The following EDIL3 variants were observed in gnomAD, a reference collection of about 807,000 sequenced individuals.
EDIL3 encodes the protein EGF like and discoidin domains 3, also known as EGF-like repeat and discoidin I-like domain-containing protein 3.
EDIL3 carries 37 observed loss-of-function variants against 67.4 expected under a neutral mutation model. The observed-to-expected ratio is 0.55, with a 90% CI of 0.42 to 0.72. The LOEUF is 0.72. Ranked by LOEUF, EDIL3 falls within the 30% of genes least tolerant of loss-of-function variation. The pLI, the probability that EDIL3 is intolerant of heterozygous loss-of-function variation, is 0.00. For synonymous variants in EDIL3, 195 were observed against 196.3 expected (o/e 0.99, Z 0.05); for missense variants, 527 against 586.3 (o/e 0.90, Z 1.04).
intron 5 of EDIL3, among the ~76,000 whole-genome samples, chr5:84,134,367 A>G (rs1452668193): frequency 6.6e-6 from 1 of 152,180 alleles, no homozygotes; most frequent in African/African-American, 2.4e-5. Flanking sequence ...TCTGGTAAAA[A>G]ATGAGGGAAA....
Position 83,979,557 on chromosome 5 carries a change from A to G in EDIL3, c.1138-16197T>C, listed in dbSNP as rs930080555. 1.2e-4 allele frequency among the ~76,000 whole-genome samples: 19 copies of G among 152,318 alleles called. No homozygotes were observed. The East Asian group carries it at 1.4e-3, about 11-fold the overall frequency. On this transcript the variant is annotated intron_variant, in intron 9 of 10. Coordinates refer to ENST00000296591, the MANE Select transcript of EDIL3 (RefSeq NM_005711.5). ...TGGGATTAAAATGGGAATACAATAG[A>G]ATTATATGTATCAACTTGGAAAAAT...
At chr5:84,342,153 G>A (rs549311750) in intron 1 of EDIL3, among the ~76,000 whole-genome samples, 5 of 152,032 alleles carry the variant, frequency 3.3e-5, no homozygotes, top group Non-Finnish European at 5.9e-5. Context: ...AGTGTATATA[G>A]ACAACAGAAT....
chr5:84,348,631 C>T (rs1018691194), intron 1 of EDIL3, among the ~76,000 whole-genome samples: 3 of 150,710 alleles, frequency 2.0e-5, no homozygotes, highest in African/African-American at 4.9e-5. Flanking sequence ...AATAAATAAC[C>T]GAATTTCAGA....
chr5:83,992,386 GATC>G (rs1745167312), intron 9 of EDIL3, among the ~76,000 whole-genome samples: 3 of 152,072 alleles, frequency 2.0e-5, no homozygotes, highest in Non-Finnish European at 4.4e-5. Context: ...ATACTTCATG[GATC>G]TTTGTAACTA....
intron 3 of EDIL3, among the ~76,000 whole-genome samples, chr5:84,218,305 C>G (rs1052083132): frequency 6.6e-6 from 1 of 152,136 alleles, no homozygotes; most frequent in Non-Finnish European, 1.5e-5. Context: ...TTCTAGGCAA[C>G]GCAGTTTAAC....
intron 1 of EDIL3, among the ~76,000 whole-genome samples, chr5:84,334,975 A>G (rs1199039038): frequency 1.3e-4 from 19 of 151,910 alleles, no homozygotes. Context: ...GACAGATATT[A>G]TTTTTTTTAA....
At chr5:84,213,145 T>A (rs982988937) in intron 3 of EDIL3, among the ~76,000 whole-genome samples, 1 of 152,090 alleles carries the variant, frequency 6.6e-6, no homozygotes, top group Non-Finnish European at 1.5e-5. Context: ...ATCAGACTGG[T>A]GATTATCACT....
At chr5:84,065,515 T>A (rs948219553) in intron 7 of EDIL3, among the ~76,000 whole-genome samples, 7 of 151,518 alleles carry the variant, frequency 4.6e-5, no homozygotes, top group South Asian at 4.2e-4. Context: ...GGGGTAATTT[T>A]AAAAATATTT....
intron 9 of EDIL3, among the ~76,000 whole-genome samples, chr5:84,039,120 T>TTA (rs3216694): frequency 1.1e-4 from 17 of 152,030 alleles, no homozygotes; most frequent in Non-Finnish European, 1.9e-4. Flanking sequence ...TTTTTTTTTT[T>TTA]AATTATATGA....
chr5:84,246,737 A>G (rs1365324422), intron 2 of EDIL3, among the ~76,000 whole-genome samples: 1 of 152,142 alleles, frequency 6.6e-6, no homozygotes, highest in African/African-American at 2.4e-5. Context: ...TTGATGTTAT[A>G]CATTTTTTTC....
intron 9 of EDIL3, among the ~76,000 whole-genome samples, chr5:84,035,393 G>A (rs1432900607): frequency 6.6e-6 from 1 of 151,864 alleles, no homozygotes; most frequent in Non-Finnish European, 1.5e-5. Flanking sequence ...AACTTTTTTA[G>A]CTAGTGGATT....
At chr5:84,013,268 T>G (rs891279701) in intron 9 of EDIL3, among the ~76,000 whole-genome samples, 1 of 152,070 alleles carries the variant, frequency 6.6e-6, no homozygotes, top group African/African-American at 2.4e-5. Context: ...AAATTAATTT[T>G]AAATTCTTCA....
chr5:84,053,707 G>A (rs577122274), intron 9 of EDIL3, among the ~76,000 whole-genome samples: 10 of 152,158 alleles, frequency 6.6e-5, no homozygotes, highest in African/African-American at 1.9e-4. Context: ...AGAAAATCTA[G>A]AAGAAATGGA....
intron 1 of EDIL3, among the ~76,000 whole-genome samples, chr5:84,310,343 G>T (rs924547126): frequency 1.3e-5 from 2 of 152,090 alleles, no homozygotes; most frequent in Non-Finnish European, 2.9e-5. Flanking sequence ...TTTACACGTG[G>T]GGGGAGGTTA....
At chr5:84,355,028 C>T (rs1046137694) in intron 1 of EDIL3, among the ~76,000 whole-genome samples, 3 of 152,054 alleles carry the variant, frequency 2.0e-5, no homozygotes, top group African/African-American at 7.2e-5. Context: ...GAATGTTGGC[C>T]TGTCTTGCTA....
intron 1 of EDIL3, among the ~76,000 whole-genome samples, chr5:84,266,372 C>T (rs1335589227): frequency 6.6e-6 from 1 of 152,180 alleles, no homozygotes; most frequent in East Asian, 1.9e-4. Context: ...GCAGCTCTAA[C>T]CCAAAGCTCA....
At chr5:84,226,761 A>C (rs1250878662) in intron 3 of EDIL3, among the ~76,000 whole-genome samples, 1 of 151,980 alleles carries the variant, frequency 6.6e-6, no homozygotes, top group Non-Finnish European at 1.5e-5. Flanking sequence ...TCTATGCTAA[A>C]ATCACAACAA....
chr5:84,139,995 G>C lies in EDIL3; in HGVS notation c.356-2641C>G, dbSNP rs1748161261. 2.0e-5 allele frequency among the ~76,000 whole-genome samples: 3 copies of C among 152,164 alleles called. 1 individual carries two copies. The highest frequency in any genetic ancestry group is 6.5e-5 in the Admixed American group (1 of 15,270). The stretch of plus-strand genomic sequence containing the variant: ...TGTCAGAGAATGTAGATAGGGAACA[G>C]ATTATGATGAACCCTTAGTGCAGGC... On this transcript the variant is annotated intron_variant, in intron 4 of 10. Coordinates refer to ENST00000296591, the MANE Select transcript of EDIL3 (RefSeq NM_005711.5).
intron 5 of EDIL3, among the ~76,000 whole-genome samples, chr5:84,113,575 A>C (rs756507888): frequency 1.3e-5 from 2 of 152,078 alleles, no homozygotes; most frequent in Non-Finnish European, 2.9e-5. Context: ...AGTCCTTCTC[A>C]CTCTGCAAAT....
Sources: allele counts gnomAD v4.1 joint callset (sites outside exome capture counted in the v4.1 genomes callset), GRCh38; gene constraint gnomAD v4.1.1; transcripts MANE v1.5; gene names NCBI Gene and HGNC (gene_info 2026-07-23, HGNC 2026-07-21).